EDNRA: variants seen among roughly 807,000 people sequenced by gnomAD.
The protein encoded by EDNRA is endothelin receptor type A, also known as endothelin-1 receptor.
EDNRA carries 11 observed loss-of-function variants against 41.4 expected under a neutral mutation model. The ratio of observed to expected loss-of-function variants is 0.27; its 90% CI spans 0.17 to 0.44. The LOEUF (loss-of-function observed/expected upper bound fraction) is 0.44. Ranked by LOEUF, EDNRA falls within the 20% of genes least tolerant of loss-of-function variation. The pLI is 1.00. For missense variants in EDNRA, 294 were observed against 531.0 expected, an observed-to-expected ratio of 0.55 and a Z score of 4.39; for synonymous variants, 172 against 183.0, an observed-to-expected ratio of 0.94 and a Z score of 0.49.
intron 2 of EDNRA, among the ~76,000 whole-genome samples, chr4:147,508,163 G>C (rs1560903449): frequency 6.6e-6 from 1 of 151,770 alleles, no homozygotes; most frequent in Non-Finnish European, 1.5e-5. Context: ...GTTTGAAATG[G>C]AGTCTCGCTC....
At chr4:147,500,942 C>T (rs143956186) in intron 2 of EDNRA, among the ~76,000 whole-genome samples, 3 of 152,272 alleles carry the variant, frequency 2.0e-5, no homozygotes, top group Admixed American at 6.5e-5. Flanking sequence ...TTGACCTATT[C>T]GTGATTTTTG....
Position 147,542,045 on chromosome 4 carries a change from A to G in EDNRA, c.1144-433A>G, listed in dbSNP as rs540257827. Among the ~76,000 whole-genome samples, 7 of 152,210 alleles carry G rather than the reference A, an allele frequency of 4.6e-5. No homozygotes were observed. The East Asian group carries it at 1.4e-3, about 29-fold the overall frequency. On this transcript the variant is annotated intron_variant, in intron 7 of 7. Transcript: ENST00000651419. Reference sequence around the variant, plus strand: ...TCTCTGGACCTCACTGTCCTCATTCATAAAATGGGGGAATAGCATAAAATG... The same window carrying G: ...TCTCTGGACCTCACTGTCCTCATTCGTAAAATGGGGGAATAGCATAAAATG...
At chr4:147,504,204 C>G (rs138651699) in intron 2 of EDNRA, among the ~76,000 whole-genome samples, 1 of 152,110 alleles carries the variant, frequency 6.6e-6, no homozygotes. Context: ...TTCTTTGATA[C>G]GACATCAAAA....
At chr4:147,490,181 AC>A (rs1560893310) in intron 2 of EDNRA, 1 of 142,906 alleles carries the variant, frequency 7.0e-6, no homozygotes, top group African/African-American at 2.7e-5. Context: ...ACACACACAC[AC>A]ACACAACCTG....
At chr4:147,485,311 TAGAGAC>T (rs1560890442) in intron 1 of EDNRA, among the ~76,000 whole-genome samples, 2 of 150,650 alleles carry the variant, frequency 1.3e-5, no homozygotes, top group African/African-American at 4.9e-5. Context: ...GAGATGGAAA[TAGAGAC>T]AGAGATAGAT....
intron 2 of EDNRA, among the ~76,000 whole-genome samples, chr4:147,502,390 TAGA>T (rs961472292): frequency 5.9e-5 from 9 of 152,228 alleles, no homozygotes; most frequent in African/African-American, 1.7e-4. Context: ...TATTGATATT[TAGA>T]AGAAGGATTT....
At chr4:147,493,919 G>A (rs1041766444) in intron 2 of EDNRA, 6 of 152,306 alleles carry the variant, frequency 3.9e-5, no homozygotes, top group African/African-American at 1.4e-4. Context: ...TGTGCCCTCA[G>A]AAAGACTTAA....
rs1162447103 is a variant in EDNRA at position 147,486,094 on chromosome 4, T to C, written c.413T>C (p.Val138Ala). The change falls in exon 2 of 8, where the codon GTA (valine) becomes GCA (alanine). Residue 138 changes from valine (V) to alanine (A), a missense_variant. This residue lies in a region of EDNRA where 185 missense variants were observed against 390.8 expected (regional missense o/e 0.47). Coordinates refer to ENST00000651419, the MANE Select transcript of EDNRA (RefSeq NM_001957.4). The surrounding 1 kb of genome is among the most constrained non-coding windows in gnomAD (Gnocchi z 4.3). ...IYVVIDLPIN[V>A]FKLLAGRWPF... The stretch of plus-strand genomic sequence containing the variant: ...GTGGTCATTGATCTCCCTATCAATG[T>C]ATTTAAGGTAGGAAGTAACCACAAA... 1 of 1,607,332 alleles carries C rather than the reference T, an allele frequency of 6.2e-7. No homozygotes were observed. Among genetic ancestry groups the C allele is most frequent in the South Asian group, 1.1e-5 (1 of 90,236 alleles).
chr4:147,482,702 T>C (rs560369824), intron 1 of EDNRA, among the ~76,000 whole-genome samples: 38 of 152,290 alleles, frequency 2.5e-4, no homozygotes, highest in African/African-American at 9.1e-4. Context: ...GTGGTGTCAT[T>C]GTTGGAGGAG....
At chr4:147,521,204 T>A (rs574492397) in intron 3 of EDNRA, among the ~76,000 whole-genome samples, 1 of 152,100 alleles carries the variant, frequency 6.6e-6, no homozygotes. Context: ...AATAAATAAA[T>A]GGCTATAACT....
chr4:147,489,900 T>A (rs2126380675), intron 2 of EDNRA: 1 of 152,170 alleles, frequency 6.6e-6, no homozygotes, highest in Non-Finnish European at 1.5e-5. Flanking sequence ...ATACTTCACC[T>A]CCTTCCTACT....
chr4:147,504,398 A>T (rs1729617497), intron 2 of EDNRA, among the ~76,000 whole-genome samples: 1 of 152,248 alleles, frequency 6.6e-6, no homozygotes, highest in South Asian at 2.1e-4. Flanking sequence ...TTTACCAATT[A>T]TAAGGATCTT....
rs2126448322 is a variant in EDNRA at position 147,519,627 on chromosome 4, T to A, written c.421-224T>A. Among the ~76,000 whole-genome samples, 1 of 151,130 alleles carries A rather than the reference T, an allele frequency of 6.6e-6. No homozygotes were observed. Among genetic ancestry groups the A allele is most frequent in the Admixed American group, 6.6e-5 (1 of 15,154 alleles). On this transcript the variant is annotated intron_variant, in intron 2 of 7. Transcript: ENST00000651419. The surrounding 1 kb of genome is among the most constrained non-coding windows in gnomAD (Gnocchi z 4.1). ...CACAATATATTCATGTTACTACATA[T>A]TAATAATAATAAATTATATCTGTAT...
intron 2 of EDNRA, among the ~76,000 whole-genome samples, chr4:147,496,815 C>G (rs1356487024): frequency 6.6e-6 from 1 of 152,218 alleles, no homozygotes; most frequent in Non-Finnish European, 1.5e-5. Flanking sequence ...GAATATCGCA[C>G]TTTCTCAATT....
chr4:147,505,944 G>T (rs926897177), intron 2 of EDNRA: 3 of 307,360 alleles, frequency 9.8e-6, no homozygotes, highest in East Asian at 2.0e-4. Context: ...GACCGCGCCC[G>T]GCCGGCAGTT....
chr4:147,517,666 A>T (rs1730163211), intron 2 of EDNRA, among the ~76,000 whole-genome samples: 1 of 152,166 alleles, frequency 6.6e-6, no homozygotes, highest in Non-Finnish European at 1.5e-5. Context: ...TCCTAGGAAA[A>T]GGAAAAAGAA....
chr4:147,539,562 C>T (rs978979755), intron 5 of EDNRA, among the ~76,000 whole-genome samples: 8 of 152,042 alleles, frequency 5.3e-5, no homozygotes, highest in African/African-American at 1.9e-4. Flanking sequence ...ATATAACCTC[C>T]GTCCTGGCCC....
At chr4:147,497,645 C>T (rs1729355057) in intron 2 of EDNRA, among the ~76,000 whole-genome samples, 1 of 151,994 alleles carries the variant, frequency 6.6e-6, no homozygotes, top group Non-Finnish European at 1.5e-5. Flanking sequence ...GATCTTGGCT[C>T]ACTACAAGCT....
rs10305909 is a variant in EDNRA at position 147,534,217 on chromosome 4, G to A, written c.747+1513G>A. Among the ~76,000 whole-genome samples, 432 of 152,186 alleles carry A rather than the reference G, an allele frequency of 2.8e-3. 5 individuals are homozygous for A. The highest frequency in any genetic ancestry group is 0.01 in the African/African-American group (420 of 41,524). On this transcript the variant is annotated intron_variant, in intron 4 of 7. Coordinates refer to ENST00000651419, the MANE Select transcript of EDNRA (RefSeq NM_001957.4). ...TTATACCCAGCCAGCAAATGCACCC[G>A]GAAAAAGAGGATACAAAAGAAGGGA...
Sources: gnomAD v4.1 joint callset for allele counts (sites outside exome capture counted in the v4.1 genomes callset) on GRCh38, gnomAD v4.1.1 for gene constraint, gnomAD v4.1.1 regional missense constraint, Gnocchi (gnomAD v3.1) non-coding constraint, MANE v1.5 for transcripts, NCBI Gene and HGNC (gene_info 2026-07-23, HGNC 2026-07-21) for gene names.